COL5A3: variants seen among roughly 807,000 people sequenced by gnomAD.
The protein encoded by COL5A3 is collagen alpha-3(V) chain.
COL5A3 carries 172 observed loss-of-function variants against 250.0 expected under a neutral mutation model. The observed-to-expected ratio is 0.69, with a 90% CI of 0.61 to 0.78. The LOEUF (loss-of-function observed/expected upper bound fraction) is 0.78. COL5A3 is among the 30% of genes least tolerant of loss of function. The pLI is 0.00. For missense variants in COL5A3, 2,340 were observed against 2,334.4 expected (o/e 1.00, Z -0.05); for synonymous variants, 937 against 900.4 (o/e 1.04, Z -0.73).
chr19:9,975,379 T>A (rs1354305960), intron 45 of COL5A3, among the ~76,000 whole-genome samples: 1 of 152,024 alleles, frequency 6.6e-6, no homozygotes, highest in Non-Finnish European at 1.5e-5. Context: ...CGCACCTGGC[T>A]GGAGATAAGG....
Position 9,985,880 on chromosome 19 carries a change from G to A in COL5A3, c.2368C>T (p.Pro790Ser), listed in dbSNP as rs375027130. 3 of 1,613,854 alleles carry A rather than the reference G, an allele frequency of 1.9e-6. No individual in the cohort carries two copies. The highest frequency in any genetic ancestry group is 2.7e-5 in the African/African-American group (2 of 74,880). The stretch of plus-strand genomic sequence containing the variant: ...CGTCCTGGATAACCTGGGAGGCCTG[G>A]CACCCCAAGCTTGCCCTGCAGAAAG... ...SAGEKGKLGV[P>S]GLPGYPGRPG... Residue 790 changes from proline to serine, a missense_variant, in exon 31 of 67, where the codon CCA (proline) becomes TCA (serine). This residue lies in a region of COL5A3 where 1,152 missense variants were observed against 1,146.3 expected (regional missense o/e 1.00). Transcript: ENST00000264828.
chr19:9,976,551 C>G lies in COL5A3; in HGVS notation c.3342+7G>C, dbSNP rs1031684115. The G allele has an allele frequency of 7.0e-6, 11 of 1,563,128 alleles. No individual in the cohort carries two copies. Among genetic ancestry groups the G allele is most frequent in the Non-Finnish European group, 8.6e-6 (10 of 1,161,588 alleles). ...CAGAGAAGGACTGAAAAGATGGGGG[C>G]ACTCACCGGGGGACCTGGGTGTCCT... On this transcript the variant is annotated splice_region_variant and intron_variant, in intron 45 of 66. Transcript: ENST00000264828.
At chr19:9,998,187 G>C (rs758991782) in intron 8 of COL5A3, 38 bp from the exon 9 acceptor site, 2 of 1,584,964 alleles carry the variant, frequency 1.3e-6, no homozygotes, top group Non-Finnish European at 1.7e-6. Context: ...GAAAAGAGAT[G>C]TGAACTTGGA....
intron 37 of COL5A3, among the ~76,000 whole-genome samples, 161 bp downstream of exon 37, chr19:9,979,678 C>A (rs1323161766): frequency 1.3e-5 from 2 of 151,514 alleles, no homozygotes; most frequent in African/African-American, 2.4e-5. Flanking sequence ...TAGTGCCACT[C>A]GGGAGGCTGA....
At chr19:9,964,065 C>T (rs947553973) in intron 64 of COL5A3, among the ~76,000 whole-genome samples, 2 of 151,982 alleles carry the variant, frequency 1.3e-5, no homozygotes, top group East Asian at 3.9e-4. Flanking sequence ...CTCAGCTACT[C>T]GGGAGGCTAA....
At chr19:9,992,804 T>C (rs2087213141) in intron 21 of COL5A3, 23 bp downstream of exon 21, 1 of 1,612,070 alleles carries the variant, frequency 6.2e-7, no homozygotes, top group African/African-American at 1.3e-5. Context: ...CAGACAGGGA[T>C]GCAGAGAGCC....
chr19:9,991,698 CG>C, intron 23 of COL5A3, 44 bp from the exon 24 acceptor site: 3 of 1,608,050 alleles, frequency 1.9e-6, no homozygotes, highest in South Asian at 2.2e-5. Flanking sequence ...AAGAAAGAAG[CG>C]GTGAGTGTGG....
At chr19:10,003,928 G>T in intron 5 of COL5A3, 113 bp downstream of exon 5, 1 of 1,054,436 alleles carries the variant, frequency 9.5e-7, no homozygotes, top group Non-Finnish European at 1.5e-6. Context: ...TGGAGGTCAC[G>T]GGTCACTTAA....
chr19:9,970,184 A>AG (rs2086814102), intron 54 of COL5A3, among the ~76,000 whole-genome samples: 1 of 23,242 alleles, frequency 4.3e-5, no homozygotes, highest in Non-Finnish European at 7.8e-5. Context: ...TCTGTGGGTG[A>AG]GTGGGGTCTG....
chr19:10,006,242 G>C lies in COL5A3; in HGVS notation c.89-11C>G. 1 of 1,584,842 alleles carries C rather than the reference G, an allele frequency of 6.3e-7. No homozygotes were observed. The highest frequency in any genetic ancestry group is 1.7e-4 in the Middle Eastern group (1 of 5,972). ...GGACATCCACAGGATCTGCAGCAGA[G>C]AGAAGCCGGGGGTGTCAGGCAGAGG... On this transcript the variant is annotated splice_polypyrimidine_tract_variant and intron_variant, in intron 1 of 66. Transcript: ENST00000264828.
At chr19:9,970,405 TG>T (rs1430127322) in intron 54 of COL5A3, among the ~76,000 whole-genome samples, 206 of 46,628 alleles carry the variant, frequency 4.4e-3, no homozygotes, top group Middle Eastern at 0.012. Context: ...GTGGGGTCTG[TG>T]GGGTGAGTGG....
At chr19:9,966,172 T>A in intron 64 of COL5A3, 142 bp downstream of exon 64, 1 of 673,852 alleles carries the variant, frequency 1.5e-6, no homozygotes, top group African/African-American at 1.8e-5. Flanking sequence ...GTCCCAGCTC[T>A]TGAGGCAGGA....
Position 9,977,713 on chromosome 19 carries a change from G to T in COL5A3, c.3019-12C>A, listed in dbSNP as rs1455754663. The stretch of plus-strand genomic sequence containing the variant: ...TCACCAGGGGAGCCCTGAGAACAGG[G>T]GTGATGAATCAGGTATAATACCAGT... On this transcript the variant is annotated splice_polypyrimidine_tract_variant and intron_variant, in intron 41 of 66. Coordinates refer to ENST00000264828, the MANE Select transcript of COL5A3 (RefSeq NM_015719.4). 1.3e-6 allele frequency: 2 copies of T among 1,553,720 alleles called. No individual in the cohort carries two copies. Among genetic ancestry groups the T allele is most frequent in the African/African-American group, 1.4e-5 (1 of 72,838 alleles).
intron 53 of COL5A3, 50 bp downstream of exon 53, chr19:9,970,922 CATT>C: frequency 1.5e-6 from 2 of 1,337,984 alleles, no homozygotes; most frequent in Non-Finnish European, 1.0e-6. Flanking sequence ...TTCACTCACT[CATT>C]AGCTCCCCAA....
rs568794831 is a variant in COL5A3 at position 9,990,000 on chromosome 19, C to T, written c.1993-478G>A. On this transcript the variant is annotated intron_variant, in intron 24 of 66. Coordinates refer to ENST00000264828, the MANE Select transcript of COL5A3 (RefSeq NM_015719.4). ...CTCCTGACCTCAAGTGATCCACCCA[C>T]CTCGGCCTCCCAAAGTGCTGAGATT... Among the ~76,000 whole-genome samples the T allele has an allele frequency of 4.6e-5, 7 of 151,930 alleles. No individual in the cohort carries two copies. The South Asian group carries it at 1.5e-3, about 32-fold the overall frequency.
Position 10,005,888 on chromosome 19 carries a change from G to C in COL5A3, c.345C>G (p.Ala115=), listed in dbSNP as rs200646662. Residue 115 remains alanine (A), a synonymous_variant, in exon 3 of 67, where the codon GCC becomes GCG. Transcript: ENST00000264828. ...GCCCCAGTGCCAGGCCCAACTGCCGGGCACCCCTTTCATCATAAATGGACA... is the reference window on the plus strand; with the variant it reads ...GCCCCAGTGCCAGGCCCAACTGCCGCGCACCCCTTTCATCATAAATGGACA... ...VLLSIYDERG[A]RQLGLALGPA... is the part of the protein sequence containing the mutation. 108 of 1,613,988 alleles carry C rather than the reference G, an allele frequency of 6.7e-5. No homozygotes were observed. In the East Asian group the frequency reaches 2.2e-3, roughly 33 times the overall value.
intron 53 of COL5A3, 129 bp from the exon 54 acceptor site, chr19:9,970,804 A>T: frequency 1.0e-6 from 1 of 997,120 alleles, no homozygotes; most frequent in Non-Finnish European, 1.4e-6. Flanking sequence ...CCCACCTCCC[A>T]CCTACTCCCT....
Position 9,976,598 on chromosome 19 carries a change from T to G in COL5A3, c.3302A>C (p.Gln1101Pro), listed in dbSNP as rs1008476545. Residue 1101 changes from glutamine to proline, a missense_variant, in exon 45 of 67, where the codon CAA becomes CCA. By Grantham distance (76) the Gln-to-Pro change is moderately conservative. Transcript: ENST00000264828. ...TCCTGCAGGACCCCGTATCCCTGGTTGTCCAGGTGGGCCCTGGGAGAACAG... is the reference window on the plus strand; with the variant it reads ...TCCTGCAGGACCCCGTATCCCTGGTGGTCCAGGTGGGCCCTGGGAGAACAG... ...GDKGDAGPPG[Q>P]PGIRGPAGHP... The G allele has an allele frequency of 1.9e-6, 3 of 1,570,442 alleles. No homozygotes were observed. The highest frequency in any genetic ancestry group is 2.0e-5 in the Admixed American group (1 of 50,050).
rs748290576 is a variant in COL5A3, at chr19:9,977,624, G to A, written c.3096C>T (p.Pro1032=). The change falls in exon 42 of 67, where the codon CCC becomes CCT. Residue 1032 remains proline, a synonymous_variant. Coordinates refer to ENST00000264828, the MANE Select transcript of COL5A3 (RefSeq NM_015719.4). ...ACCCCTTCTTGCCTGCAGGGCCAAC[G>A]GGGCCTTCGCTGCCACTTTGGCCAG... ...GLPGQSGSEG[P]VGPAGKKGSR... is the part of the protein sequence containing the mutation. 1.3e-5 allele frequency: 21 copies of A among 1,604,916 alleles called. No individual in the cohort carries two copies. Among genetic ancestry groups the A allele is most frequent in the East Asian group, 8.9e-5 (4 of 44,716 alleles).
Sources: gnomAD v4.1 joint callset for allele counts (sites outside exome capture counted in the v4.1 genomes callset) on GRCh38, gnomAD v4.1.1 for gene constraint, gnomAD v4.1.1 regional missense constraint, MANE v1.5 for transcripts, NCBI Gene and HGNC (gene_info 2026-07-23, HGNC 2026-07-21) for gene names.